Variants in TCTN3 observed in about 807,000 individuals in gnomAD.
TCTN3 encodes tectonic family member 3, also known as tectonic-3.
In TCTN3, 57 loss-of-function variants were observed where a neutral mutation model predicts 71.3. That is an observed-to-expected ratio of 0.80 (90% CI 0.65 to 1.00). The LOEUF (loss-of-function observed/expected upper bound fraction) is 1.00, where lower values mean the gene tolerates loss of function less well. Among genes scored for constraint, TCTN3 ranks in the 50% least tolerant of loss-of-function variants. The pLI is 0.00. For synonymous variants in TCTN3, 258 were observed against 267.8 expected, an observed-to-expected ratio of 0.96 and a Z score of 0.36; for missense variants, 696 against 719.9, an observed-to-expected ratio of 0.97 and a Z score of 0.38.
chr10:95,687,474 C>A lies in TCTN3; in HGVS notation c.627+118G>T. The A allele has an allele frequency of 2.6e-6, 4 of 1,532,446 alleles. No homozygotes were observed. In the South Asian group the frequency reaches 3.7e-5, roughly 14 times the overall value. 94.9% of individuals were successfully genotyped at this position (1,532,446 alleles called of 1,614,324 possible). Reference sequence around the variant, plus strand: ...TGATTACGTGGACAGTACTGCCCTCCAAAGAGCTGACAATGGTTTAGCTAG... The same window carrying A: ...TGATTACGTGGACAGTACTGCCCTCAAAAGAGCTGACAATGGTTTAGCTAG... On this transcript the variant is annotated intron_variant, in intron 4 of 13. Coordinates refer to ENST00000371217, the MANE Select transcript of TCTN3 (RefSeq NM_015631.6).
Position 95,680,543 on chromosome 10 carries a change from C to T in TCTN3, c.1519G>A (p.Val507Ile). The change falls in exon 13 of 14, where the codon GTA becomes ATA. Residue 507 changes from valine (V) to isoleucine (I), a missense_variant. Physicochemically the swap from Val to Ile is conservative, Grantham distance 29. Coordinates refer to ENST00000371217, the MANE Select transcript of TCTN3 (RefSeq NM_015631.6). ...GCTTGCGGGTTGGACAGGAGACCTA[C>T]ATATGCCCACAATACCTGGATCTCC... Reference protein sequence around the residue: ...SLEIQVLWAYVGLLSNPQAHV... With the variant: ...SLEIQVLWAYIGLLSNPQAHV... 1.2e-6 allele frequency: 2 copies of T among 1,614,166 alleles called. No individual in the cohort carries two copies. The highest frequency in any genetic ancestry group is 1.7e-6 in the Non-Finnish European group (2 of 1,180,032).
At chr10:95,674,759 T>C (rs1479200275) in intron 13 of TCTN3, among the ~76,000 whole-genome samples, 1 of 152,188 alleles carries the variant, frequency 6.6e-6, no homozygotes, top group East Asian at 1.9e-4. Context: ...TTATGAATGT[T>C]AGACTTTATT....
At position 95,683,453 on chromosome 10, in the gene TCTN3, A is replaced by G. The variant is rs778196156; in HGVS notation, c.1203+69T>C. On this transcript the variant is annotated intron_variant, in intron 10 of 13. Coordinates refer to ENST00000371217, the MANE Select transcript of TCTN3 (RefSeq NM_015631.6). ...ATTCCTCACCTTTGGCTAGTCTAACATAAGTTTGAAAGCCTTTGCAGCTTT... is the reference window on the plus strand; with the variant it reads ...ATTCCTCACCTTTGGCTAGTCTAACGTAAGTTTGAAAGCCTTTGCAGCTTT... 70 of 1,613,220 alleles carry G rather than the reference A, an allele frequency of 4.3e-5. No homozygotes were observed. The East Asian group carries it at 5.1e-4, about 12-fold the overall frequency.
At chr10:95,681,636 A>C (rs2097943117) in intron 12 of TCTN3, among the ~76,000 whole-genome samples, 1 of 152,254 alleles carries the variant, frequency 6.6e-6, no homozygotes, top group Non-Finnish European at 1.5e-5. Flanking sequence ...TGCAAAATGC[A>C]GAAAGGCATA....
chr10:95,681,437 A>T (rs12241504), intron 12 of TCTN3, among the ~76,000 whole-genome samples: 4,231 of 152,280 alleles, frequency 0.028, 180 homozygotes, highest in African/African-American at 0.092. Context: ...CTTAGTAGGC[A>T]CTGGCTTGAG....
intron 2 of TCTN3, 65 bp downstream of exon 2, chr10:95,693,288 A>T: frequency 6.5e-7 from 1 of 1,545,812 alleles, no homozygotes; most frequent in Non-Finnish European, 8.7e-7. Context: ...CTCTTCTTAC[A>T]TCCAAATGTT....
chr10:95,692,006 T>G (rs185843359), intron 3 of TCTN3, among the ~76,000 whole-genome samples: 3 of 152,246 alleles, frequency 2.0e-5, no homozygotes, highest in African/African-American at 7.2e-5. Flanking sequence ...AAGGTTGGCA[T>G]AGACTCATTT....
At chr10:95,690,362 A>C (rs1192800328) in intron 3 of TCTN3, among the ~76,000 whole-genome samples, 1 of 152,222 alleles carries the variant, frequency 6.6e-6, no homozygotes. Flanking sequence ...ACCTGGAAAG[A>C]CATGATGTTT....
chr10:95,684,175 G>T (rs2097945987), intron 9 of TCTN3, among the ~76,000 whole-genome samples: 1 of 152,126 alleles, frequency 6.6e-6, no homozygotes, highest in South Asian at 2.1e-4. Flanking sequence ...AGAAATATGA[G>T]AACAGCTAGT....
At chr10:95,681,611 T>C (rs1158131236) in intron 12 of TCTN3, among the ~76,000 whole-genome samples, 1 of 152,212 alleles carries the variant, frequency 6.6e-6, no homozygotes, top group African/African-American at 2.4e-5. Context: ...AATGCAGTAC[T>C]CCAGGAGGAT....
rs1306348578 is a variant in TCTN3, at chr10:95,687,601, A to T, written c.618T>A (p.Ser206=). 6.2e-7 allele frequency: 1 copy of T among 1,613,588 alleles called. No homozygotes were observed. Among genetic ancestry groups the T allele is most frequent in the Admixed American group, 1.7e-5 (1 of 59,816 alleles). The change falls in exon 4 of 14, where the codon TCT becomes TCA. Residue 206 remains serine (S), a synonymous_variant. Transcript: ENST00000371217. Reference sequence around the variant, plus strand: ...CCTTCCCCAGGCTCACCCTGTAAAAAGATGGTGGTGATTGAGTTTGGAATG... The same window carrying T: ...CCTTCCCCAGGCTCACCCTGTAAAATGATGGTGGTGATTGAGTTTGGAATG... ...TSTFQTQSPP[S]FYRAGDPILT...
At chr10:95,681,323 G>A (rs1218434640) in intron 12 of TCTN3, among the ~76,000 whole-genome samples, 2 of 152,096 alleles carry the variant, frequency 1.3e-5, no homozygotes, top group African/African-American at 2.4e-5. Context: ...TGATCTGCCC[G>A]CCTCGGCCTT....
intron 13 of TCTN3, among the ~76,000 whole-genome samples, chr10:95,669,620 A>T (rs1306462454): frequency 2.0e-5 from 3 of 152,104 alleles, no homozygotes; most frequent in Non-Finnish European, 4.4e-5. Context: ...CCTCTCTATA[A>T]CTAGTTCCAG....
chr10:95,679,167 C>G (rs1474790770), intron 13 of TCTN3, among the ~76,000 whole-genome samples: 1 of 151,984 alleles, frequency 6.6e-6, no homozygotes, highest in Non-Finnish European at 1.5e-5. Context: ...CTAACTTTTG[C>G]TAAATACTAG....
chr10:95,687,586 G>C lies in TCTN3; in HGVS notation c.627+6C>G, dbSNP rs190843846. 2.3e-5 allele frequency: 37 copies of C among 1,612,580 alleles called. No homozygotes were observed. The highest frequency in any genetic ancestry group is 2.8e-5 in the Non-Finnish European group (33 of 1,179,652). On this transcript the variant is annotated splice_donor_region_variant and intron_variant, in intron 4 of 13. Coordinates refer to ENST00000371217, the MANE Select transcript of TCTN3 (RefSeq NM_015631.6). ...CAAACAATCCCATCCCCTTCCCCAG[G>C]CTCACCCTGTAAAAAGATGGTGGTG... is the stretch of plus-strand genomic sequence containing the variant.
intron 9 of TCTN3, among the ~76,000 whole-genome samples, 184 bp downstream of exon 9, chr10:95,684,315 G>C (rs2097946130): frequency 6.6e-6 from 1 of 152,196 alleles, no homozygotes; most frequent in African/African-American, 2.4e-5. Flanking sequence ...AATGAGTAAA[G>C]ACTTGTAGAA....
At position 95,664,384 on chromosome 10, in the gene TCTN3, T is replaced by C. The variant is rs2097924099; in HGVS notation, c.1591-84A>G. On this transcript the variant is annotated intron_variant, in intron 13 of 13. Coordinates refer to ENST00000371217, the MANE Select transcript of TCTN3 (RefSeq NM_015631.6). ...ACTTGGCTGTTATTATTACTTTCCC[T>C]GAAGAGAGAAATGAATTATTCTAAG... is the stretch of plus-strand genomic sequence containing the variant. 5 of 1,144,300 alleles carry C rather than the reference T, an allele frequency of 4.4e-6. No individual in the cohort carries two copies. The East Asian group carries it at 1.2e-4, about 27-fold the overall frequency. 70.9% of individuals were successfully genotyped at this position (1,144,300 alleles called of 1,614,324 possible). A position where few individuals can be genotyped will look rare whatever the true frequency, so the allele number is the denominator to read the frequency against.
intron 11 of TCTN3, 87 bp downstream of exon 11, chr10:95,683,014 G>T: frequency 1.4e-6 from 2 of 1,379,556 alleles, no homozygotes; most frequent in Non-Finnish European, 2.0e-6. Context: ...TTTCCGAACT[G>T]TCATTAAAAA....
At chr10:95,692,588 A>G (rs1009828484) in intron 3 of TCTN3, among the ~76,000 whole-genome samples, 4 of 152,132 alleles carry the variant, frequency 2.6e-5, no homozygotes, top group African/African-American at 9.7e-5. Context: ...GACAAAAAAA[A>G]AAAAAGTTTA....
Sources: allele counts gnomAD v4.1 joint callset (sites outside exome capture counted in the v4.1 genomes callset), GRCh38; gene constraint gnomAD v4.1.1; transcripts MANE v1.5; gene names NCBI Gene and HGNC (gene_info 2026-07-23, HGNC 2026-07-21).